Variants in TBC1D20 observed in about 807,000 individuals in gnomAD.
TBC1D20 encodes chromosome 20 open reading frame 140.
In TBC1D20, 12 loss-of-function variants were observed where a neutral mutation model predicts 41.6. That is an observed-to-expected ratio of 0.29 (90% CI 0.18 to 0.47). TBC1D20 has a LOEUF of 0.47. Ranked by LOEUF, TBC1D20 falls within the 20% of genes least tolerant of loss-of-function variation. The pLI is 1.00. For missense variants in TBC1D20, 421 were observed against 517.4 expected (o/e 0.81, Z 1.81); for synonymous variants, 205 against 204.8 (o/e 1.00, Z -0.01).
At chr20:443,755 G>C (rs914805668) in intron 3 of TBC1D20, among the ~76,000 whole-genome samples, 1 of 152,154 alleles carries the variant, frequency 6.6e-6, no homozygotes, top group African/African-American at 2.4e-5. Context: ...AAGCCACACT[G>C]TAAGTTCAGC....
At chr20:445,336 GA>G (rs1347996736) in intron 2 of TBC1D20, among the ~76,000 whole-genome samples, 1 of 152,178 alleles carries the variant, frequency 6.6e-6, no homozygotes, top group Non-Finnish European at 1.5e-5. Flanking sequence ...GACCCTAAGA[GA>G]AGGGAGCACA....
rs758653370 is a variant in TBC1D20 at position 441,655 on chromosome 20, G to A, written c.559C>T (p.His187Tyr). Residue 187 changes from histidine (H) to tyrosine (Y), a missense_variant, in exon 5 of 8, where the codon CAT becomes TAT. His to Tyr is a moderately conservative substitution (Grantham distance 83, BLOSUM62 2). Coordinates refer to ENST00000354200, the MANE Select transcript of TBC1D20 (RefSeq NM_144628.4). ...FMDPTMDNTK[H>Y]ILNYLMPIID... ...ATGGGCATCAGATAGTTTAATATAT[G>A]CTTGGTGTTGTCCATTGTTGGATCC... is the stretch of plus-strand genomic sequence containing the variant. 1 of 1,614,154 alleles carries A rather than the reference G, an allele frequency of 6.2e-7. No homozygotes were observed. The highest frequency in any genetic ancestry group is 8.5e-7 in the Non-Finnish European group (1 of 1,180,034).
At chr20:445,263 TACA>T (rs1210682859) in intron 2 of TBC1D20, 133 bp from the exon 3 acceptor site, 2 of 669,492 alleles carry the variant, frequency 3.0e-6, no homozygotes, top group Non-Finnish European at 5.4e-6. Flanking sequence ...TGACTCAAGA[TACA>T]ACATTTGGCA....
chr20:438,484 C>A lies in TBC1D20; in HGVS notation c.*102G>T. 2 of 1,403,550 alleles carry A rather than the reference C, an allele frequency of 1.4e-6. No homozygotes were observed. The highest frequency in any genetic ancestry group is 2.7e-5 in the South Asian group (2 of 73,664). The allele number at this position is 1,403,550 out of a possible 1,614,324, so 86.9% of individuals were successfully genotyped here. On this transcript the variant is annotated 3_prime_UTR_variant, in exon 8 of 8. Transcript: ENST00000354200. ...GGCAGGGTGGCAGGAATAAAAAACTCTGGACAGAAACCCTTTTAATAAAGG... is the reference window on the plus strand; with the variant it reads ...GGCAGGGTGGCAGGAATAAAAAACTATGGACAGAAACCCTTTTAATAAAGG...
At chr20:449,764 T>A (rs749831518) in intron 1 of TBC1D20, among the ~76,000 whole-genome samples, 92 of 152,232 alleles carry the variant, frequency 6.0e-4, no homozygotes, top group Non-Finnish European at 5.1e-4. Flanking sequence ...ACACAGTAGA[T>A]ACTTACTAAA....
chr20:447,524 A>AG (rs2017359187), intron 2 of TBC1D20, among the ~76,000 whole-genome samples: 2 of 151,958 alleles, frequency 1.3e-5, no homozygotes, highest in African/African-American at 4.8e-5. Flanking sequence ...CAGGCATGGT[A>AG]GCGCATGTCT....
intron 1 of TBC1D20, among the ~76,000 whole-genome samples, chr20:449,790 T>C (rs937119132): frequency 6.6e-6 from 1 of 152,166 alleles, no homozygotes; most frequent in East Asian, 1.9e-4. Context: ...GCTCCCCTCC[T>C]CACTCTGAAA....
chr20:452,926 G>T (rs114072041), intron 1 of TBC1D20, among the ~76,000 whole-genome samples: 7,760 of 152,140 alleles, frequency 0.051, 244 homozygotes, highest in East Asian at 0.091. Context: ...GAGGCGGGCA[G>T]ACCACCTGAG....
Position 438,643 on chromosome 20 carries a change from AG to A in TBC1D20, c.1154del (p.Ala385ValfsTer3). On this transcript the variant is annotated frameshift_variant, in exon 8 of 8. Coordinates refer to ENST00000354200, the MANE Select transcript of TBC1D20 (RefSeq NM_144628.4). LOFTEE classifies it high-confidence loss of function. Reference protein sequence around the residue: ...LTVALGAAALAVVKSALEWAP... With the variant: ...LTVALGAAALXVVKSALEWAP... ...CCCATTCCAGGGCACTTTTCACCAC[AG>A]CCAGTGCAGCCGCTCCAAGTGCCAC... 1 of 1,614,192 alleles carries A rather than the reference AG, an allele frequency of 6.2e-7. No homozygotes were observed. The highest frequency in any genetic ancestry group is 8.5e-7 in the Non-Finnish European group (1 of 1,180,030).
intron 1 of TBC1D20, among the ~76,000 whole-genome samples, chr20:449,514 GA>G (rs67931519): frequency 0.97 from 147,749 of 151,724 alleles, 71,960 homozygotes; most frequent in East Asian, 1. Context: ...AGAGTCGCTT[GA>G]AACCCAGGAG....
rs1297009269 is a variant in TBC1D20, at chr20:448,077, G to C, written c.71-3C>G. ...CTTTTTCCTTTTGGCGTTAAAGTCT[G>C]AAGATAAGGATAGGGAAGAATTAGG... On this transcript the variant is annotated splice_region_variant and splice_polypyrimidine_tract_variant and intron_variant, in intron 1 of 7. Coordinates refer to ENST00000354200, the MANE Select transcript of TBC1D20 (RefSeq NM_144628.4). The C allele has an allele frequency of 6.2e-7, 1 of 1,609,748 alleles. No homozygotes were observed. The highest frequency in any genetic ancestry group is 8.5e-7 in the Non-Finnish European group (1 of 1,176,140).
At chr20:451,595 C>G (rs2017443589) in intron 1 of TBC1D20, among the ~76,000 whole-genome samples, 1 of 152,122 alleles carries the variant, frequency 6.6e-6, no homozygotes. Flanking sequence ...TCAGACCTAC[C>G]TATCTTTGGT....
chr20:446,011 G>C (rs1209879483), intron 2 of TBC1D20, among the ~76,000 whole-genome samples: 2 of 152,256 alleles, frequency 1.3e-5, no homozygotes, highest in African/African-American at 4.8e-5. Flanking sequence ...CACCTACTGG[G>C]TGACATCATG....
At chr20:461,899 A>T (rs907313579) in intron 1 of TBC1D20, among the ~76,000 whole-genome samples, 3 of 152,172 alleles carry the variant, frequency 2.0e-5, no homozygotes. Flanking sequence ...GTACGCGGGC[A>T]GCGCGTCAAT....
At position 448,157 on chromosome 20, in the gene TBC1D20, T is replaced by C. The variant is rs565562840; in HGVS notation, c.71-83A>G. 7 of 971,404 alleles carry C rather than the reference T, an allele frequency of 7.2e-6. No individual in the cohort carries two copies. The African/African-American group carries it at 1.1e-4, about 16-fold the overall frequency. The allele number at this position is 971,404 out of a possible 1,614,324, so 60.2% of individuals were successfully genotyped here. ...CTAGGACTCAAGCTCCTTTTTGATATGAGGTACAGGTAAGTATCTCCTCTT... is the reference window on the plus strand; with the variant it reads ...CTAGGACTCAAGCTCCTTTTTGATACGAGGTACAGGTAAGTATCTCCTCTT... On this transcript the variant is annotated intron_variant, in intron 1 of 7. Transcript: ENST00000354200.
chr20:438,527 A>G lies in TBC1D20; in HGVS notation c.*59T>C. On this transcript the variant is annotated 3_prime_UTR_variant, in exon 8 of 8. Coordinates refer to ENST00000354200, the MANE Select transcript of TBC1D20 (RefSeq NM_144628.4). ...AATAAAGGAAATTCCACCCCTCCCAATCCTTCCATGGAAGGGTGAGACCTT... is the reference window on the plus strand; with the variant it reads ...AATAAAGGAAATTCCACCCCTCCCAGTCCTTCCATGGAAGGGTGAGACCTT... The G allele has an allele frequency of 4.4e-6, 7 of 1,575,276 alleles. No homozygotes were observed. The highest frequency in any genetic ancestry group is 6.1e-6 in the Non-Finnish European group (7 of 1,154,228).
intron 3 of TBC1D20, 124 bp from the exon 4 acceptor site, chr20:442,167 G>A (rs575880977): frequency 4.5e-4 from 398 of 889,394 alleles, no homozygotes; most frequent in Non-Finnish European, 6.1e-4. Flanking sequence ...ATTTGGCAAC[G>A]CATATCAAGA....
At chr20:461,317 G>A (rs906502896) in intron 1 of TBC1D20, among the ~76,000 whole-genome samples, 1 of 152,140 alleles carries the variant, frequency 6.6e-6, no homozygotes, top group East Asian at 1.9e-4. Context: ...CACAGAAATT[G>A]TCCAAACTAA....
At chr20:456,562 T>C (rs113970065) in intron 1 of TBC1D20, among the ~76,000 whole-genome samples, 13 of 151,674 alleles carry the variant, frequency 8.6e-5, no homozygotes, top group Admixed American at 7.2e-4. Context: ...AATGACTTTT[T>C]TTCTTCTTCT....
Sources: gnomAD v4.1 joint callset for allele counts (sites outside exome capture counted in the v4.1 genomes callset) on GRCh38, gnomAD v4.1.1 for gene constraint, MANE v1.5 for transcripts, NCBI Gene and HGNC (gene_info 2026-07-23, HGNC 2026-07-21) for gene names.